Variants in MBOAT1 observed in about 807,000 individuals in gnomAD.
The protein encoded by MBOAT1 is membrane bound glycerophospholipid O-acyltransferase 1, also known as membrane-bound glycerophospholipid O-acyltransferase 1.
Under a neutral mutation model 64.4 loss-of-function variants are expected in MBOAT1, and 67 were observed. That is an observed-to-expected ratio of 1.04 (90% CI 0.85 to 1.27). The LOEUF (loss-of-function observed/expected upper bound fraction) is 1.27, where lower values mean the gene tolerates loss of function less well. Ranked by LOEUF, MBOAT1 falls within the 50% of genes most tolerant of loss-of-function variation. The pLI is 0.00. For synonymous variants in MBOAT1, 229 were observed against 218.9 expected (o/e 1.05, Z -0.41); for missense variants, 563 against 604.6 (o/e 0.93, Z 0.72).
At chr6:20,110,780 T>C (rs982464077) in intron 11 of MBOAT1, among the ~76,000 whole-genome samples, 3 of 152,176 alleles carry the variant, frequency 2.0e-5, no homozygotes, top group East Asian at 3.8e-4. Context: ...TGCCAGTAAA[T>C]ATTAATCTCC....
At chr6:20,133,358 A>G (rs376733656) in intron 4 of MBOAT1, among the ~76,000 whole-genome samples, 1 of 152,308 alleles carries the variant, frequency 6.6e-6, no homozygotes, top group Admixed American at 6.5e-5. Flanking sequence ...GGTCCTAGTA[A>G]TAAGGGCTAC....
Position 20,211,970 on chromosome 6 carries a change from AC to A in MBOAT1, c.99+165del, listed in dbSNP as rs1375922576. The A allele has an allele frequency of 7.1e-3, 2,044 of 286,348 alleles. 22 individuals carry two copies. In the African/African-American group the frequency reaches 0.16, roughly 22 times the overall value. The allele number at this position is 286,348 out of a possible 1,614,324, so 17.7% of individuals were successfully genotyped here. On this transcript the variant is annotated intron_variant, in intron 1 of 12. Transcript: ENST00000324607. ...ACTAACACCAACTCAAGAAGGGAAA[AC>A]ACACACACACACACACACACACACA...
At chr6:20,174,358 T>C (rs929675947) in intron 1 of MBOAT1, among the ~76,000 whole-genome samples, 6 of 152,236 alleles carry the variant, frequency 3.9e-5, no homozygotes, top group Non-Finnish European at 8.8e-5. Flanking sequence ...ATACCTAGGC[T>C]AGATGATATA....
At chr6:20,107,892 A>G (rs967802471) in intron 12 of MBOAT1, among the ~76,000 whole-genome samples, 13 of 152,198 alleles carry the variant, frequency 8.5e-5, no homozygotes, top group Non-Finnish European at 1.2e-4. Flanking sequence ...CAGCCCCTGC[A>G]GACAGCTCAA....
chr6:20,207,914 A>G (rs1324688442), intron 1 of MBOAT1, among the ~76,000 whole-genome samples: 1 of 152,194 alleles, frequency 6.6e-6, no homozygotes, highest in Admixed American at 6.5e-5. Context: ...TTTCCTCTAG[A>G]GTATATAAGC....
chr6:20,198,798 T>A (rs1408899132), intron 1 of MBOAT1, among the ~76,000 whole-genome samples: 1 of 152,246 alleles, frequency 6.6e-6, no homozygotes, highest in African/African-American at 2.4e-5. Context: ...CCCACTAGCT[T>A]CCTCAGGATT....
chr6:20,141,465 T>C (rs928040937), intron 4 of MBOAT1, among the ~76,000 whole-genome samples: 1 of 151,012 alleles, frequency 6.6e-6, no homozygotes. Flanking sequence ...GCTCAAGAGA[T>C]TCTCCTACCT....
chr6:20,158,504 C>A (rs182471576), intron 1 of MBOAT1, among the ~76,000 whole-genome samples: 1 of 152,168 alleles, frequency 6.6e-6, no homozygotes, highest in African/African-American at 2.4e-5. Flanking sequence ...CTACATGACA[C>A]AGGACACTGG....
chr6:20,176,696 T>C (rs1244255643), intron 1 of MBOAT1, among the ~76,000 whole-genome samples: 1 of 152,196 alleles, frequency 6.6e-6, no homozygotes, highest in African/African-American at 2.4e-5. Flanking sequence ...CAATCTCAAC[T>C]CACTGCAACC....
chr6:20,134,761 G>A (rs60363933), intron 4 of MBOAT1, among the ~76,000 whole-genome samples: 2,612 of 152,088 alleles, frequency 0.017, 84 homozygotes, highest in African/African-American at 0.059. Flanking sequence ...AATGTACTTC[G>A]CCCAAGTTAC....
Position 20,100,737 on chromosome 6 carries a change from A to G in MBOAT1, c.*1549T>C, listed in dbSNP as rs1036454034. The stretch of plus-strand genomic sequence containing the variant: ...TATATGGGAACATACTGTTTATTCA[A>G]TAAGAAATTAATTTTTTATCGTTGG... On this transcript the variant is annotated 3_prime_UTR_variant, in exon 13 of 13. Transcript: ENST00000324607. 6.6e-6 allele frequency among the ~76,000 whole-genome samples: 1 copy of G among 152,244 alleles called. No homozygotes were observed. Among genetic ancestry groups the G allele is most frequent in the Non-Finnish European group, 1.5e-5 (1 of 68,050 alleles).
At chr6:20,138,953 TCCCGGGCTTG>T (rs1162291088) in intron 4 of MBOAT1, among the ~76,000 whole-genome samples, 2 of 152,128 alleles carry the variant, frequency 1.3e-5, no homozygotes, top group Non-Finnish European at 2.9e-5. Context: ...ACCCTTGAGC[TCCCGGGCTTG>T]CGTCTGCATT....
chr6:20,126,021 T>G, intron 7 of MBOAT1: 1 of 271,404 alleles, frequency 3.7e-6, no homozygotes. Flanking sequence ...TAAAATATTA[T>G]TTCAAAAAGT....
rs1407003121 is a variant in MBOAT1, at chr6:20,099,883, G to C, written c.*2403C>G. Among the ~76,000 whole-genome samples the C allele has an allele frequency of 6.6e-6, 1 of 152,192 alleles. No homozygotes were observed. Among genetic ancestry groups the C allele is most frequent in the East Asian group, 1.9e-4 (1 of 5,198 alleles). On this transcript the variant is annotated 3_prime_UTR_variant, in exon 13 of 13. Coordinates refer to ENST00000324607, the MANE Select transcript of MBOAT1 (RefSeq NM_001080480.3). ...TTTTTCTATGGGTAAGTGGTTTTCA[G>C]AAGAAAAAGGATGCTAATCAGTCTC...
chr6:20,140,874 T>C (rs1761149277), intron 4 of MBOAT1, among the ~76,000 whole-genome samples: 1 of 152,156 alleles, frequency 6.6e-6, no homozygotes, highest in African/African-American at 2.4e-5. Flanking sequence ...TAAACACATA[T>C]AACACTAGCT....
chr6:20,174,947 AG>A (rs1308786374), intron 1 of MBOAT1, among the ~76,000 whole-genome samples: 1 of 152,220 alleles, frequency 6.6e-6, no homozygotes, highest in Non-Finnish European at 1.5e-5. Flanking sequence ...GAAGTGAGGC[AG>A]TATTAGTCAC....
chr6:20,117,988 ATTC>A (rs1760377720), intron 9 of MBOAT1, among the ~76,000 whole-genome samples: 1 of 152,244 alleles, frequency 6.6e-6, no homozygotes, highest in African/African-American at 2.4e-5. Context: ...CATTATGACA[ATTC>A]TTCTTACAAG....
chr6:20,121,929 C>T (rs757543756), intron 8 of MBOAT1, among the ~76,000 whole-genome samples: 5 of 152,292 alleles, frequency 3.3e-5, no homozygotes, highest in Non-Finnish European at 5.9e-5. Context: ...CTTTGGGAGG[C>T]TGAGGCGGGT....
intron 1 of MBOAT1, among the ~76,000 whole-genome samples, chr6:20,179,347 C>A (rs540567318): frequency 6.6e-6 from 1 of 152,152 alleles, no homozygotes; most frequent in Non-Finnish European, 1.5e-5. Flanking sequence ...CTGTTCCCCC[C>A]AACCATGTGT....
Sources: gnomAD v4.1 joint callset for allele counts (sites outside exome capture counted in the v4.1 genomes callset) on GRCh38, gnomAD v4.1.1 for gene constraint, MANE v1.5 for transcripts, NCBI Gene and HGNC (gene_info 2026-07-23, HGNC 2026-07-21) for gene names.